Variants in PCTP observed in about 807,000 individuals in gnomAD.
PCTP encodes the protein START domain-containing protein 2.
PCTP carries 27 observed loss-of-function variants against 31.0 expected under a neutral mutation model. The observed-to-expected ratio is 0.87, with a 90% CI of 0.64 to 1.20. The LOEUF is 1.20. PCTP is among the 50% of genes most tolerant of loss of function. The pLI is 0.00. For missense variants in PCTP, 287 were observed against 268.2 expected, an observed-to-expected ratio of 1.07 and a Z score of -0.49; for synonymous variants, 108 against 101.2, an observed-to-expected ratio of 1.07 and a Z score of -0.40.
At chr17:55,774,434 C>T (rs950202706) in intron 4 of PCTP, among the ~76,000 whole-genome samples, 3 of 152,162 alleles carry the variant, frequency 2.0e-5, no homozygotes, top group Non-Finnish European at 1.5e-5. Context: ...TAGATGGTCA[C>T]CTTGAATATG....
intron 2 of PCTP, among the ~76,000 whole-genome samples, chr17:55,783,734 G>A (rs1358077616): frequency 1.3e-5 from 2 of 152,160 alleles, no homozygotes; most frequent in Non-Finnish European, 2.9e-5. Flanking sequence ...ACTGCTGAAA[G>A]CTTCCAAGTA....
chr17:55,793,017 C>T (rs1211259744), intron 3 of PCTP, among the ~76,000 whole-genome samples: 1 of 152,014 alleles, frequency 6.6e-6, no homozygotes, highest in Non-Finnish European at 1.5e-5. Context: ...GCCCTTCAAC[C>T]TCACCCTGCC....
chr17:55,751,237 T>C lies in PCTP; in HGVS notation c.134T>C (p.Leu45Pro). ...ETSGISIYRL[L>P]DKKTGLYEYK... ...TCGGGCATCAGCATCTACCGGCTGC[T>C]GGACAAGGTAGCGGCCAACCCGCTG... Residue 45 changes from leucine (L) to proline (P), a missense_variant, in exon 1 of 6, where the codon CTG becomes CCG. By Grantham distance (98) the Leu-to-Pro change is moderately conservative. Transcript: ENST00000268896. 6.5e-7 allele frequency: 1 copy of C among 1,539,312 alleles called. No individual in the cohort carries two copies. Among genetic ancestry groups the C allele is most frequent in the South Asian group, 1.2e-5 (1 of 82,830 alleles).
intron 3 of PCTP, among the ~76,000 whole-genome samples, chr17:55,814,159 A>G (rs543932706): frequency 1.1e-4 from 16 of 152,310 alleles, no homozygotes; most frequent in South Asian, 1.0e-3. Context: ...TGATATTTTA[A>G]TCTCCATTCT....
intron 3 of PCTP, among the ~76,000 whole-genome samples, chr17:55,808,093 C>T (rs1177164264): frequency 2.6e-5 from 4 of 152,144 alleles, no homozygotes. Context: ...ATTTAATCCT[C>T]TGAACAACAA....
At chr17:55,818,986 T>C (rs1415859190) in intron 3 of PCTP, among the ~76,000 whole-genome samples, 2 of 116,994 alleles carry the variant, frequency 1.7e-5, no homozygotes, top group Non-Finnish European at 3.2e-5. Context: ...TGTCCTGGTG[T>C]CCTACCAGGC....
At position 55,753,736 on chromosome 17, in the gene PCTP, C is replaced by T. The variant is rs147127564; in HGVS notation, c.141+2492C>T. Among the ~76,000 whole-genome samples, 1,068 of 152,306 alleles carry T rather than the reference C, an allele frequency of 7.0e-3. 19 individuals carry two copies. Among genetic ancestry groups the T allele is most frequent in the African/African-American group, 0.024 (1,005 of 41,558 alleles). ...ATCTTCTCCTCTAGCGAGCCCAGAC[C>T]GCTGTGCCATCTTCCCTGTATACAG... On this transcript the variant is annotated intron_variant, in intron 1 of 5. Coordinates refer to ENST00000268896, the MANE Select transcript of PCTP (RefSeq NM_021213.4).
At chr17:55,833,938 C>T (rs1017691384) in intron 5 of PCTP, among the ~76,000 whole-genome samples, 5 of 152,130 alleles carry the variant, frequency 3.3e-5, no homozygotes, top group Non-Finnish European at 7.4e-5. Flanking sequence ...CAGAAACTTC[C>T]TTAATAGCAG....
chr17:55,759,765 G>A (rs1910240503), intron 1 of PCTP, among the ~76,000 whole-genome samples: 1 of 152,168 alleles, frequency 6.6e-6, no homozygotes, highest in Admixed American at 6.5e-5. Context: ...GTAATGAGTG[G>A]TGCCTTTCTC....
At chr17:55,839,919 CAAA>C (rs57402824) in intron 5 of PCTP, among the ~76,000 whole-genome samples, 67 of 12,460 alleles carry the variant, frequency 5.4e-3, no homozygotes, top group African/African-American at 0.013. Context: ...GACTCAGTCT[CAAA>C]AAAAAAAAAA....
intron 3 of PCTP, among the ~76,000 whole-genome samples, chr17:55,817,749 C>A (rs1211582852): frequency 6.6e-6 from 1 of 152,158 alleles, no homozygotes. Context: ...TGAAAGAGAA[C>A]AAGAAAATGT....
chr17:55,792,486 A>C (rs899429367), intron 3 of PCTP, among the ~76,000 whole-genome samples: 1 of 152,114 alleles, frequency 6.6e-6, no homozygotes, highest in African/African-American at 2.4e-5. Context: ...ATAAAATAAA[A>C]TAAAATATCT....
At chr17:55,755,261 G>A (rs901344365) in intron 1 of PCTP, among the ~76,000 whole-genome samples, 2 of 152,160 alleles carry the variant, frequency 1.3e-5, no homozygotes, top group Non-Finnish European at 2.9e-5. Context: ...CGAGCTGGTT[G>A]TGACGACCCT....
chr17:55,802,591 A>G (rs560987204), intron 3 of PCTP, among the ~76,000 whole-genome samples: 5 of 152,234 alleles, frequency 3.3e-5, no homozygotes, highest in Non-Finnish European at 7.4e-5. Flanking sequence ...AATGTAATCC[A>G]TCACATAAAA....
intron 3 of PCTP, among the ~76,000 whole-genome samples, chr17:55,796,602 T>C (rs1391395701): frequency 2.0e-5 from 3 of 151,986 alleles, no homozygotes; most frequent in Non-Finnish European, 4.4e-5. Context: ...AAGGTCTAGA[T>C]GAGATATCAT....
intron 3 of PCTP, among the ~76,000 whole-genome samples, chr17:55,790,473 A>G (rs1253845206): frequency 3.4e-5 from 5 of 148,920 alleles, no homozygotes; most frequent in African/African-American, 4.9e-5. Flanking sequence ...ATACAAAATC[A>G]ATGTACAAAA....
chr17:55,751,570 G>T, intron 1 of PCTP: 2 of 1,056,570 alleles, frequency 1.9e-6, no homozygotes, highest in South Asian at 1.4e-5. Context: ...TGCAAGGGAC[G>T]TTGATCCTCA....
intron 5 of PCTP, among the ~76,000 whole-genome samples, chr17:55,840,862 C>G (rs1905957453): frequency 6.6e-6 from 1 of 152,144 alleles, no homozygotes; most frequent in Non-Finnish European, 1.5e-5. Context: ...ATTTTAGATT[C>G]TGGATTTTTG....
Position 55,751,471 on chromosome 17 carries a change from G to C in PCTP, c.141+227G>C, listed in dbSNP as rs1446622710. 5.2e-6 allele frequency: 8 copies of C among 1,531,234 alleles called. No individual in the cohort carries two copies. In the Admixed American group the frequency reaches 1.4e-4, roughly 26 times the overall value. The allele number at this position is 1,531,234 out of a possible 1,614,324, so 94.9% of individuals were successfully genotyped here. A position where few individuals can be genotyped will look rare whatever the true frequency, so the allele number is the denominator to read the frequency against. On this transcript the variant is annotated intron_variant, in intron 1 of 5. Transcript: ENST00000268896. ...GGAGTTGGAAGGTCACAGGAGTTCAGCCTCAGGTCAGGCCCGACGGGGCAT... is the reference window on the plus strand; with the variant it reads ...GGAGTTGGAAGGTCACAGGAGTTCACCCTCAGGTCAGGCCCGACGGGGCAT...
Sources: allele counts gnomAD v4.1 joint callset (sites outside exome capture counted in the v4.1 genomes callset), GRCh38; gene constraint gnomAD v4.1.1; transcripts MANE v1.5; gene names NCBI Gene and HGNC (gene_info 2026-07-23, HGNC 2026-07-21).